Variants in DHPS observed in about 807,000 individuals in gnomAD.
The protein encoded by DHPS is migration-inducing gene 13.
A neutral mutation model predicts 38.7 loss-of-function variants in DHPS; 24 were observed. That is an observed-to-expected ratio of 0.62 (90% CI 0.45 to 0.87). The LOEUF (loss-of-function observed/expected upper bound fraction) is 0.87. Among genes scored for constraint, DHPS ranks in the 40% least tolerant of loss-of-function variants. The pLI, the probability that DHPS is intolerant of heterozygous loss-of-function variation, is 0.00. For missense variants in DHPS, 510 were observed against 497.6 expected (o/e 1.02, Z -0.24); for synonymous variants, 250 against 204.4 (o/e 1.22, Z -1.90).
Position 12,677,299 on chromosome 19 carries a change from A to C in DHPS, c.776T>G (p.Ile259Ser), listed in dbSNP as rs1355990739. 6.2e-7 allele frequency: 1 copy of C among 1,614,130 alleles called. No individual in the cohort carries two copies. The change falls in exon 6 of 9, where the codon ATC (isoleucine) becomes AGC (serine). Residue 259 changes from isoleucine to serine, a missense_variant. Coordinates refer to ENST00000210060, the MANE Select transcript of DHPS (RefSeq NM_001930.4). ...SYKNPGLVLDIVEDLRLINTQ... is the reference protein window; with the variant it reads ...SYKNPGLVLDSVEDLRLINTQ... The stretch of plus-strand genomic sequence containing the variant: ...TGGCCCTAGCGCCTCACCCTCAACG[A>C]TGTCCAGGACCAGGCCCGGGTTCTT...
In DHPS at chr19:12,679,611, C is replaced by A. The variant is rs752884941; in HGVS notation, c.591+12G>T. The stretch of plus-strand genomic sequence containing the variant: ...CCACTGAACTGGCCCCTCCAGGTTG[C>A]CCCAGCCCCACCTCTGTGTTCTGCT... On this transcript the variant is annotated intron_variant, in intron 4 of 8. Transcript: ENST00000210060. 6.2e-7 allele frequency: 1 copy of A among 1,614,144 alleles called. No homozygotes were observed. The highest frequency in any genetic ancestry group is 8.5e-7 in the Non-Finnish European group (1 of 1,179,982).
chr19:12,677,652 CCT>C lies in DHPS; in HGVS notation c.679-258_679-257del, dbSNP rs996350652. Among the ~76,000 whole-genome samples the C allele has an allele frequency of 4.0e-5, 6 of 151,680 alleles. No individual in the cohort carries two copies. The East Asian group carries it at 7.8e-4, about 20-fold the overall frequency. On this transcript the variant is annotated intron_variant, in intron 5 of 8. Transcript: ENST00000210060. Reference sequence around the variant, plus strand: ...TGTTTCTCTCTCTTTTTTTTTATTCCCTGAGACGGAGTTTCACTCGTTGCCCA... The same window carrying C: ...TGTTTCTCTCTCTTTTTTTTTATTCCGAGACGGAGTTTCACTCGTTGCCCA...
chr19:12,679,586 C>A, intron 4 of DHPS, 37 bp downstream of exon 4: 1 of 1,614,068 alleles, frequency 6.2e-7, no homozygotes, highest in Non-Finnish European at 8.5e-7. Flanking sequence ...CCCCTGACTC[C>A]CACTGAACTG....
chr19:12,678,768 CAAAA>C (rs1183531365), intron 5 of DHPS, among the ~76,000 whole-genome samples: 1 of 46,332 alleles, frequency 2.2e-5, no homozygotes, highest in South Asian at 1.2e-3. Context: ...GACTCTGTCT[CAAAA>C]AAAAAAAAAA....
Position 12,679,798 on chromosome 19 carries a change from C to T in DHPS, c.494+3G>A, listed in dbSNP as rs1296939177. ...CCTGCCCAACACCACTCAGGGTTCT[C>T]ACCTATTGATCCCGTTCTCCCGGAG... On this transcript the variant is annotated splice_donor_region_variant and intron_variant, in intron 3 of 8. Coordinates refer to ENST00000210060, the MANE Select transcript of DHPS (RefSeq NM_001930.4). 6.2e-7 allele frequency: 1 copy of T among 1,613,980 alleles called. No homozygotes were observed. The highest frequency in any genetic ancestry group is 1.3e-5 in the African/African-American group (1 of 74,938).
At chr19:12,674,515 C>CCA (rs2024513393), downstream of DHPS, among the ~76,000 whole-genome samples, 1 of 152,212 alleles carries the variant, frequency 6.6e-6, no homozygotes, top group Non-Finnish European at 1.5e-5. Flanking sequence ...AATGTTCCAC[C>CCA]TATTTCTTAT....
At chr19:12,679,989 C>T (rs1321998732) in intron 2 of DHPS, 67 bp from the exon 3 acceptor site, 1 of 1,572,452 alleles carries the variant, frequency 6.4e-7, no homozygotes, top group South Asian at 1.2e-5. Context: ...GGCAGAACTT[C>T]TAACCTCATC....
At chr19:12,681,514 C>A in intron 1 of DHPS, 46 bp downstream of exon 1, 1 of 1,607,692 alleles carries the variant, frequency 6.2e-7, no homozygotes, top group African/African-American at 1.3e-5. Context: ...GTTGGTTCTA[C>A]AAGCCACGCC....
Position 12,680,146 on chromosome 19 carries a change from T to TCACCAGGTCCCCACCATGTTGTGCTG in DHPS, c.361_372+14dup. ...TGACCCAGAGGCCAAGGCCACGGCCTCACCAGGTCCCCACCATGTTGTGCT... is the reference window on the plus strand; with the variant it reads ...TGACCCAGAGGCCAAGGCCACGGCCTCACCAGGTCCCCACCATGTTGTGCTGCACCAGGTCCCCACCATGTTGTGCT... On this transcript the variant is annotated intron_variant, in intron 2 of 8. Coordinates refer to ENST00000210060, the MANE Select transcript of DHPS (RefSeq NM_001930.4). The TCACCAGGTCCCCACCATGTTGTGCTG allele has an allele frequency of 6.2e-7, 1 of 1,613,430 alleles. No individual in the cohort carries two copies. The highest frequency in any genetic ancestry group is 8.5e-7 in the Non-Finnish European group (1 of 1,179,422).
chr19:12,675,794 A>C lies in DHPS; in HGVS notation c.*44T>G. On this transcript the variant is annotated 3_prime_UTR_variant, in exon 9 of 9. Transcript: ENST00000210060. ...AGGGGAGGGGCTGGGTCTGCAAATT[A>C]ATAAATAGAAGAGGGGGTAAGACCT... 6.4e-7 allele frequency: 1 copy of C among 1,568,262 alleles called. No homozygotes were observed. The highest frequency in any genetic ancestry group is 8.7e-7 in the Non-Finnish European group (1 of 1,154,890).
chr19:12,672,527 G>A, downstream of DHPS: 1 of 353,224 alleles, frequency 2.8e-6, no homozygotes. Context: ...AGAATCTCTT[G>A]AACCCGGGAG....
chr19:12,681,229 T>G, intron 1 of DHPS: 2 of 1,256,500 alleles, frequency 1.6e-6, no homozygotes, highest in Non-Finnish European at 1.0e-6. Flanking sequence ...CGCCCAGACT[T>G]AGGCTCCTCC....
downstream of DHPS, chr19:12,673,132 C>T (rs760989694): frequency 9.9e-6 from 16 of 1,611,744 alleles, no homozygotes; most frequent in South Asian, 6.6e-5. Context: ...TCCTTGTGGT[C>T]GTGGGGATCC....
At chr19:12,673,332 C>T (rs751055996), downstream of DHPS, 1 of 1,604,600 alleles carries the variant, frequency 6.2e-7, no homozygotes, top group Non-Finnish European at 8.5e-7. Flanking sequence ...GTGCCCCCAG[C>T]CCTACTTCAT....
Position 12,681,864 on chromosome 19 carries a change from C to A in DHPS, c.-98G>T. On this transcript the variant is annotated 5_prime_UTR_variant, in exon 1 of 9. Coordinates refer to ENST00000210060, the MANE Select transcript of DHPS (RefSeq NM_001930.4). ...CCCGACGCGCGCGTCTCCGCAAGAG[C>A]ACAGGAAGTAGGGAACGTGCTTTGG... The A allele has an allele frequency of 9.2e-7, 1 of 1,085,382 alleles. No homozygotes were observed. Among genetic ancestry groups the A allele is most frequent in the Non-Finnish European group, 1.3e-6 (1 of 747,870 alleles). 67.2% of individuals were successfully genotyped at this position (1,085,382 alleles called of 1,614,324 possible). A position where few individuals can be genotyped will look rare whatever the true frequency, so the allele number is the denominator to read the frequency against.
chr19:12,675,768 TAGGGG>T lies in DHPS; in HGVS notation c.*65_*69del, dbSNP rs779949621. ...TCTAGAGACGTAGCTGACCAAAAAG[TAGGGG>T]AGGGGCTGGGTCTGCAAATTAATAA... On this transcript the variant is annotated 3_prime_UTR_variant, in exon 9 of 9. Transcript: ENST00000210060. 1.3e-6 allele frequency: 2 copies of T among 1,566,028 alleles called. No individual in the cohort carries two copies.
At chr19:12,673,148 C>G, downstream of DHPS, 1 of 1,611,548 alleles carries the variant, frequency 6.2e-7, no homozygotes, top group Non-Finnish European at 8.5e-7. Flanking sequence ...GATCCCCTTC[C>G]CTCCTCTCCC....
intron 1 of DHPS, chr19:12,681,106 A>T: frequency 7.8e-7 from 1 of 1,276,328 alleles, no homozygotes; most frequent in Non-Finnish European, 1.0e-6. Context: ...TGCTGGGATT[A>T]TAGGCATGCG....
downstream of DHPS, chr19:12,672,854 G>C (rs755273772): frequency 6.3e-7 from 1 of 1,584,166 alleles, no homozygotes; most frequent in Non-Finnish European, 8.6e-7. Flanking sequence ...CAGCTCCGTG[G>C]ATGGCCGCGT....
Sources: allele counts gnomAD v4.1 joint callset (sites outside exome capture counted in the v4.1 genomes callset), GRCh38; gene constraint gnomAD v4.1.1; transcripts MANE v1.5; gene names NCBI Gene and HGNC (gene_info 2026-07-23, HGNC 2026-07-21).